Variants in RBFOX1 observed in about 807,000 individuals in gnomAD.
RBFOX1 encodes the protein RNA binding fox-1 homolog 1.
A neutral mutation model predicts 57.7 loss-of-function variants in RBFOX1; 8 were observed. That is an observed-to-expected ratio of 0.14 (90% confidence interval 0.08 to 0.25). RBFOX1 has a LOEUF of 0.25. Among genes scored for constraint, RBFOX1 ranks in the 10% least tolerant of loss-of-function variants. RBFOX1 has a pLI of 1.00. For missense variants in RBFOX1, 611 were observed against 548.5 expected (o/e 1.11, Z -1.14); for synonymous variants, 326 against 222.4 (o/e 1.47, Z -4.15).
intron 14 of RBFOX1, among the ~76,000 whole-genome samples, chr16:7,693,814 A>T (rs2077954993): frequency 1.3e-5 from 2 of 152,176 alleles, no homozygotes; most frequent in South Asian, 4.1e-4. Flanking sequence ...TGAATCTATA[A>T]AGCTTAGAGG....
At chr16:6,786,861 C>G (rs992710339) in intron 3 of RBFOX1, among the ~76,000 whole-genome samples, 2 of 151,726 alleles carry the variant, frequency 1.3e-5, no homozygotes, top group Admixed American at 1.3e-4. Context: ...TAGCATATTT[C>G]AGACCAGAAG....
intron 1 of RBFOX1, among the ~76,000 whole-genome samples, chr16:5,433,757 G>A (rs143494840): frequency 1.1e-4 from 16 of 152,228 alleles, no homozygotes; most frequent in East Asian, 7.7e-4. Flanking sequence ...GGGAGATTCC[G>A]TAGCGTAAGG....
At chr16:6,777,680 C>G (rs569088321) in intron 3 of RBFOX1, among the ~76,000 whole-genome samples, 1 of 152,022 alleles carries the variant, frequency 6.6e-6, no homozygotes, top group Non-Finnish European at 1.5e-5. Flanking sequence ...AATCTGTAGA[C>G]CTTGATGTTT....
chr16:6,777,153 C>G (rs939781174), intron 3 of RBFOX1, among the ~76,000 whole-genome samples: 11 of 143,668 alleles, frequency 7.7e-5, no homozygotes, highest in South Asian at 4.3e-4. Flanking sequence ...TACACATTTT[C>G]CAGATATTTC....
chr16:6,140,187 CTTT>C (rs5815288), intron 1 of RBFOX1, among the ~76,000 whole-genome samples: 27 of 137,294 alleles, frequency 2.0e-4, no homozygotes, highest in East Asian at 8.5e-4. Flanking sequence ...CTGGAAATGA[CTTT>C]TTTTTTTTTT....
At chr16:5,338,037 T>C (rs1022291449) in intron 1 of RBFOX1, among the ~76,000 whole-genome samples, 1 of 152,162 alleles carries the variant, frequency 6.6e-6, no homozygotes, top group African/African-American at 2.4e-5. Flanking sequence ...AAGTGAGTCC[T>C]TGTCTCTAAA....
At chr16:6,651,099 A>T (rs2098589497) in intron 2 of RBFOX1, among the ~76,000 whole-genome samples, 1 of 152,086 alleles carries the variant, frequency 6.6e-6, no homozygotes, top group Admixed American at 6.5e-5. Context: ...ATGGAGTTTC[A>T]CCATATTAGC....
intron 1 of RBFOX1, among the ~76,000 whole-genome samples, chr16:5,327,868 T>G (rs1245177433): frequency 6.6e-6 from 1 of 152,194 alleles, no homozygotes; most frequent in Non-Finnish European, 1.5e-5. Flanking sequence ...AGCTGAATGG[T>G]TCTGTGGTCT....
chr16:6,262,883 A>G (rs1030821564), intron 1 of RBFOX1, among the ~76,000 whole-genome samples: 2 of 152,186 alleles, frequency 1.3e-5, no homozygotes, highest in African/African-American at 4.8e-5. Flanking sequence ...ATAACAGATC[A>G]AGGTAAGTAC....
chr16:7,417,477 C>G (rs8063270), intron 4 of RBFOX1, among the ~76,000 whole-genome samples: 34,534 of 151,416 alleles, frequency 0.23, 4,125 homozygotes, highest in East Asian at 0.31. Flanking sequence ...AGGAAACTGA[C>G]CTTGATCCAA....
intron 4 of RBFOX1, among the ~76,000 whole-genome samples, chr16:5,981,058 T>A (rs559410546): frequency 1.3e-5 from 2 of 152,338 alleles, no homozygotes; most frequent in Non-Finnish European, 2.9e-5. Flanking sequence ...ACGTTCCTCT[T>A]GACAGGATGC....
At chr16:7,212,462 T>A (rs2091324086) in intron 4 of RBFOX1, among the ~76,000 whole-genome samples, 1 of 152,160 alleles carries the variant, frequency 6.6e-6, no homozygotes. Flanking sequence ...ATGCAGATGC[T>A]GCTTTAGAGT....
At chr16:7,327,469 A>G (rs1407020193) in intron 4 of RBFOX1, among the ~76,000 whole-genome samples, 1 of 152,232 alleles carries the variant, frequency 6.6e-6, no homozygotes, top group Non-Finnish European at 1.5e-5. Flanking sequence ...GTAATTACAT[A>G]ATCTGCACAA....
intron 2 of RBFOX1, among the ~76,000 whole-genome samples, chr16:6,496,913 C>G (rs1319460227): frequency 6.6e-6 from 1 of 152,058 alleles, no homozygotes; most frequent in Non-Finnish European, 1.5e-5. Context: ...TGAGCCGAGA[C>G]TACGCCATTG....
intron 10 of RBFOX1, among the ~76,000 whole-genome samples, chr16:7,613,209 G>T (rs1404593097): frequency 6.6e-6 from 1 of 152,146 alleles, no homozygotes; most frequent in Non-Finnish European, 1.5e-5. Flanking sequence ...GGGGAATAAA[G>T]AGATTCTGAA....
intron 4 of RBFOX1, among the ~76,000 whole-genome samples, chr16:7,260,684 A>G (rs1178490094): frequency 6.6e-6 from 1 of 151,358 alleles, no homozygotes; most frequent in African/African-American, 2.4e-5. Context: ...AGTTTCTCTA[A>G]TGTTCTAATG....
chr16:7,332,180 C>G (rs1323674956), intron 4 of RBFOX1, among the ~76,000 whole-genome samples: 6 of 152,202 alleles, frequency 3.9e-5, no homozygotes, highest in Non-Finnish European at 5.9e-5. Context: ...TTCGCACTGC[C>G]TTGTACGAGC....
At chr16:6,246,527 G>A (rs1459184030) in intron 1 of RBFOX1, among the ~76,000 whole-genome samples, 2 of 152,184 alleles carry the variant, frequency 1.3e-5, no homozygotes, top group East Asian at 1.9e-4. Flanking sequence ...AGGCTAGGAA[G>A]AAGAGTGTTA....
intron 12 of RBFOX1, among the ~76,000 whole-genome samples, chr16:7,661,752 A>G (rs762450620): frequency 5.9e-5 from 9 of 152,184 alleles, no homozygotes; most frequent in South Asian, 2.1e-4. Context: ...GAGAAATAGT[A>G]TGTATTTGGC....
Sources: allele counts gnomAD v4.1 joint callset (sites outside exome capture counted in the v4.1 genomes callset), GRCh38; gene constraint gnomAD v4.1.1; transcripts MANE v1.5; gene names NCBI Gene and HGNC (gene_info 2026-07-23, HGNC 2026-07-21).